Variants in NHEJ1 observed in about 807,000 individuals in gnomAD.
NHEJ1 encodes non-homologous end-joining factor 1.
A neutral mutation model predicts 39.4 loss-of-function variants in NHEJ1; 22 were observed. The ratio of observed to expected loss-of-function variants is 0.56; its 90% CI spans 0.40 to 0.80. NHEJ1 has a LOEUF of 0.80. NHEJ1 is among the 30% of genes least tolerant of loss of function. NHEJ1 has a pLI of 0.00. For missense variants in NHEJ1, 329 were observed against 357.1 expected, an observed-to-expected ratio of 0.92 and a Z score of 0.63; for synonymous variants, 154 against 135.6, an observed-to-expected ratio of 1.14 and a Z score of -0.94.
At chr2:219,120,466 TA>T (rs1046918906) in intron 5 of NHEJ1, among the ~76,000 whole-genome samples, 14 of 152,150 alleles carry the variant, frequency 9.2e-5, no homozygotes, top group South Asian at 2.1e-4. Context: ...GGAATCAGAA[TA>T]GGGGGCAATG....
intron 5 of NHEJ1, among the ~76,000 whole-genome samples, chr2:219,134,956 C>T (rs1207846825): frequency 1.3e-5 from 2 of 148,214 alleles, no homozygotes; most frequent in African/African-American, 5.0e-5. Flanking sequence ...AGGAGAATTG[C>T]TTGAAACCAG....
intron 5 of NHEJ1, among the ~76,000 whole-genome samples, chr2:219,084,254 G>A (rs933671768): frequency 7.0e-4 from 106 of 152,156 alleles, no homozygotes; most frequent in African/African-American, 2.5e-3. Flanking sequence ...TGATCCACCC[G>A]CCTTGGCCTC....
intron 5 of NHEJ1, among the ~76,000 whole-genome samples, chr2:219,137,486 G>T (rs748558962): frequency 8.9e-5 from 13 of 146,308 alleles, no homozygotes; most frequent in Non-Finnish European, 1.8e-4. Flanking sequence ...TCCCTCCTAG[G>T]AGATGTGTCC....
chr2:219,099,062 A>C (rs1949233308), intron 5 of NHEJ1, among the ~76,000 whole-genome samples: 1 of 152,170 alleles, frequency 6.6e-6, no homozygotes, highest in South Asian at 2.1e-4. Context: ...GTAGGATTAA[A>C]GGAATGTTGA....
At position 219,151,006 on chromosome 2, in the gene NHEJ1, T is replaced by C. The variant is rs750009357; in HGVS notation, c.391-3211A>G. ...AGCCAGGTGTGCTAAAGCATGCCTATATTTTCAGCTACTTGGGAGGCTGAG... is the reference window on the plus strand; with the variant it reads ...AGCCAGGTGTGCTAAAGCATGCCTACATTTTCAGCTACTTGGGAGGCTGAG... On this transcript the variant is annotated intron_variant, in intron 3 of 7. Transcript: ENST00000356853. Among the ~76,000 whole-genome samples, 6 of 150,734 alleles carry C rather than the reference T, an allele frequency of 4.0e-5. No individual in the cohort carries two copies. In the East Asian group the frequency reaches 5.8e-4, roughly 15 times the overall value.
chr2:219,073,674 C>T lies in NHEJ1; in HGVS notation c.*2707G>A, dbSNP rs180859253. The stretch of plus-strand genomic sequence containing the variant: ...GGTTTGCTGGCTTGCTCGTGTAAAC[C>T]ACCTTATATTATTTTTTTTTCTAAA... On this transcript the variant is annotated 3_prime_UTR_variant, in exon 8 of 8. Transcript: ENST00000356853. Among the ~76,000 whole-genome samples the T allele has an allele frequency of 2.0e-5, 3 of 152,352 alleles. No homozygotes were observed. The East Asian group carries it at 5.8e-4, about 29-fold the overall frequency.
intron 5 of NHEJ1, among the ~76,000 whole-genome samples, chr2:219,136,414 A>T (rs966900114): frequency 2.6e-5 from 4 of 151,048 alleles, no homozygotes; most frequent in African/African-American, 9.8e-5. Flanking sequence ...TCAGTCTCCC[A>T]AGTAGCTGGG....
In NHEJ1 at chr2:219,131,376, G is replaced by A. The variant is rs142836252; in HGVS notation, c.588+15304C>T. 1.2e-4 allele frequency among the ~76,000 whole-genome samples: 19 copies of A among 152,296 alleles called. No individual in the cohort carries two copies. In the East Asian group the frequency reaches 2.5e-3, roughly 20 times the overall value. On this transcript the variant is annotated intron_variant, in intron 5 of 7. Transcript: ENST00000356853. Reference sequence around the variant, plus strand: ...CTAAAAATTATAAGAGACTAATTTCGAAATTAAAATGCCAATTTATTAGTT... The same window carrying A: ...CTAAAAATTATAAGAGACTAATTTCAAAATTAAAATGCCAATTTATTAGTT...
At chr2:219,113,705 G>A (rs571704595) in intron 5 of NHEJ1, among the ~76,000 whole-genome samples, 5 of 152,298 alleles carry the variant, frequency 3.3e-5, no homozygotes, top group African/African-American at 1.2e-4. Flanking sequence ...CTATAGAGAA[G>A]TGGAGTTAGC....
chr2:219,110,002 C>T (rs1477842397), intron 5 of NHEJ1, among the ~76,000 whole-genome samples: 2 of 152,132 alleles, frequency 1.3e-5, no homozygotes, highest in Admixed American at 6.5e-5. Context: ...ACCATCTCCC[C>T]GATTGGGTAT....
At chr2:219,144,312 A>G (rs895003513) in intron 5 of NHEJ1, among the ~76,000 whole-genome samples, 2 of 152,178 alleles carry the variant, frequency 1.3e-5, no homozygotes, top group African/African-American at 4.8e-5. Flanking sequence ...TGCTGGGGAT[A>G]TAGAAATGCA....
In NHEJ1 at chr2:219,146,750, A is replaced by G. The variant is rs770863790; in HGVS notation, c.530-12T>C. ...TGTCTTCAATCGATCTGTAATAAGAAGGATCAGAAAAAAGAAATATGAGTC... is the reference window on the plus strand; with the variant it reads ...TGTCTTCAATCGATCTGTAATAAGAGGGATCAGAAAAAAGAAATATGAGTC... On this transcript the variant is annotated splice_polypyrimidine_tract_variant and intron_variant, in intron 4 of 7. Coordinates refer to ENST00000356853, the MANE Select transcript of NHEJ1 (RefSeq NM_024782.3). The G allele has an allele frequency of 3.7e-6, 6 of 1,604,036 alleles. No individual in the cohort carries two copies. Among genetic ancestry groups the G allele is most frequent in the African/African-American group, 2.7e-5 (2 of 74,870 alleles).
Position 219,074,347 on chromosome 2 carries a change from G to A in NHEJ1, c.*2034C>T, listed in dbSNP as rs1012252360. 1.3e-5 allele frequency among the ~76,000 whole-genome samples: 2 copies of A among 152,206 alleles called. No homozygotes were observed. Among genetic ancestry groups the A allele is most frequent in the African/African-American group, 4.8e-5 (2 of 41,438 alleles). On this transcript the variant is annotated 3_prime_UTR_variant, in exon 8 of 8. Coordinates refer to ENST00000356853, the MANE Select transcript of NHEJ1 (RefSeq NM_024782.3). ...GCTGTTACAGTACAGGGAATGCCCAGGGTGAAGAACCGGTATTTTCTCCAA... is the reference window on the plus strand; with the variant it reads ...GCTGTTACAGTACAGGGAATGCCCAAGGTGAAGAACCGGTATTTTCTCCAA...
At chr2:219,110,393 G>A (rs1249239927) in intron 5 of NHEJ1, among the ~76,000 whole-genome samples, 4 of 151,978 alleles carry the variant, frequency 2.6e-5, no homozygotes, top group Non-Finnish European at 5.9e-5. Context: ...GTGGTAGGGT[G>A]CACCTGTAGT....
chr2:219,138,387 G>C (rs912380894), intron 5 of NHEJ1, among the ~76,000 whole-genome samples: 1 of 152,250 alleles, frequency 6.6e-6, no homozygotes, highest in Non-Finnish European at 1.5e-5. Flanking sequence ...GCAGGTGGTA[G>C]AATGGGAATA....
intron 5 of NHEJ1, among the ~76,000 whole-genome samples, chr2:219,134,824 G>A (rs888905681): frequency 6.6e-6 from 1 of 151,800 alleles, no homozygotes; most frequent in African/African-American, 2.4e-5. Flanking sequence ...TGGATCACGA[G>A]GTCAGGAGTT....
At chr2:219,123,177 C>CA (rs557550267) in intron 5 of NHEJ1, among the ~76,000 whole-genome samples, 50 of 152,292 alleles carry the variant, frequency 3.3e-4, no homozygotes, top group Admixed American at 2.8e-3. Flanking sequence ...GAAAGGTTGA[C>CA]AGTCAGATCA....
At chr2:219,077,654 T>C (rs1949026807) in intron 6 of NHEJ1, among the ~76,000 whole-genome samples, 1 of 151,990 alleles carries the variant, frequency 6.6e-6, no homozygotes, top group Non-Finnish European at 1.5e-5. Context: ...AGATTAATTT[T>C]TTTTTTTTTT....
intron 3 of NHEJ1, among the ~76,000 whole-genome samples, chr2:219,155,660 C>T (rs541254387): frequency 2.6e-5 from 4 of 152,252 alleles, no homozygotes; most frequent in African/African-American, 9.6e-5. Context: ...CAGTGGCTCA[C>T]GCCTCTAATC....
Sources: gnomAD v4.1 joint callset for allele counts (sites outside exome capture counted in the v4.1 genomes callset) on GRCh38, gnomAD v4.1.1 for gene constraint, MANE v1.5 for transcripts, NCBI Gene and HGNC (gene_info 2026-07-23, HGNC 2026-07-21) for gene names.